MAP4K3: variants seen among roughly 807,000 people sequenced by gnomAD.
MAP4K3 encodes MAPK/ERK kinase kinase kinase 3.
Under a neutral mutation model 143.5 loss-of-function variants are expected in MAP4K3, and 94 were observed. That is an observed-to-expected ratio of 0.65 (90% confidence interval 0.55 to 0.78). The LOEUF (loss-of-function observed/expected upper bound fraction) is 0.78. MAP4K3 is among the 30% of genes least tolerant of loss of function. The probability of loss-of-function intolerance (pLI) is 0.00; values close to 1 mark genes in which losing one functional copy is unlikely to be tolerated. For missense variants in MAP4K3, 1,077 were observed against 1,068.1 expected (o/e 1.01, Z -0.12); for synonymous variants, 416 against 347.2 (o/e 1.20, Z -2.20).
intron 2 of MAP4K3, among the ~76,000 whole-genome samples, chr2:39,376,229 A>G (rs1666214616): frequency 2.0e-5 from 3 of 152,188 alleles, no homozygotes; most frequent in African/African-American, 7.2e-5. Flanking sequence ...CTTTAGGCAT[A>G]TACACAGAAA....
At chr2:39,393,221 G>C (rs541688767) in intron 1 of MAP4K3, among the ~76,000 whole-genome samples, 1 of 152,290 alleles carries the variant, frequency 6.6e-6, no homozygotes, top group South Asian at 2.1e-4. Flanking sequence ...TGTGAATGTA[G>C]AGAATGAAAC....
At chr2:39,431,913 G>C (rs1338293780) in intron 1 of MAP4K3, among the ~76,000 whole-genome samples, 3 of 152,170 alleles carry the variant, frequency 2.0e-5, no homozygotes, top group Admixed American at 6.5e-5. Flanking sequence ...CCTGGCTCCA[G>C]AACCCTGTTC....
At chr2:39,322,910 T>C (rs1402929256) in intron 12 of MAP4K3, among the ~76,000 whole-genome samples, 1 of 152,090 alleles carries the variant, frequency 6.6e-6, no homozygotes, top group Non-Finnish European at 1.5e-5. Context: ...CCTCAGGTGA[T>C]CCACCTGCCT....
intron 24 of MAP4K3, 73 bp from the exon 25 acceptor site, chr2:39,272,615 C>G (rs542802398): frequency 8.5e-7 from 1 of 1,180,214 alleles, no homozygotes; most frequent in Non-Finnish European, 1.3e-6. Context: ...ACAGTAATCA[C>G]GTAAGCTGTC....
intron 1 of MAP4K3, among the ~76,000 whole-genome samples, chr2:39,415,890 T>G (rs1240285582): frequency 3.0e-5 from 4 of 131,728 alleles, no homozygotes; most frequent in East Asian, 2.3e-4. Context: ...GAGGTGGAGG[T>G]TGCAGTGAGT....
intron 8 of MAP4K3, 43 bp downstream of exon 8, chr2:39,331,874 A>T: frequency 7.9e-7 from 1 of 1,273,636 alleles, no homozygotes; most frequent in Non-Finnish European, 1.1e-6. Context: ...TATATCCAAT[A>T]ATGATAGAAC....
At position 39,403,951 on chromosome 2, in the gene MAP4K3, A is replaced by C. The variant is rs1667022637; in HGVS notation, c.97-25828T>G. ...GCACCCATTCCAGGCCCTAGCTCCC[A>C]GATAATATTCTAGACACACCCTGGG... On this transcript the variant is annotated intron_variant, in intron 1 of 33. Transcript: ENST00000263881. Among the ~76,000 whole-genome samples, 5 of 151,640 alleles carry C rather than the reference A, an allele frequency of 3.3e-5. No homozygotes were observed. The South Asian group carries it at 6.3e-4, about 19-fold the overall frequency.
At chr2:39,429,024 C>A (rs1378091747) in intron 1 of MAP4K3, among the ~76,000 whole-genome samples, 1 of 128,980 alleles carries the variant, frequency 7.8e-6, no homozygotes, top group Non-Finnish European at 1.6e-5. Flanking sequence ...GAAATAGCGC[C>A]ACTGCACTCC....
intron 31 of MAP4K3, among the ~76,000 whole-genome samples, chr2:39,257,692 G>T (rs1042436051): frequency 1.3e-5 from 2 of 150,990 alleles, no homozygotes; most frequent in Admixed American, 6.6e-5. Flanking sequence ...CCAGCTACTC[G>T]GGAGACTGAG....
At chr2:39,274,562 A>T (rs1681170249) in intron 24 of MAP4K3, among the ~76,000 whole-genome samples, 1 of 152,166 alleles carries the variant, frequency 6.6e-6, no homozygotes, top group Admixed American at 6.5e-5. Flanking sequence ...CTAAAGCTTT[A>T]CTAGATTTTC....
intron 1 of MAP4K3, among the ~76,000 whole-genome samples, chr2:39,422,833 T>C (rs1451846736): frequency 1.3e-5 from 2 of 152,090 alleles, no homozygotes; most frequent in African/African-American, 2.4e-5. Flanking sequence ...TTCTAGAAGA[T>C]AACATACAAG....
intron 1 of MAP4K3, among the ~76,000 whole-genome samples, chr2:39,427,798 T>C (rs11886434): frequency 0.031 from 4,611 of 151,004 alleles, 240 homozygotes; most frequent in African/African-American, 0.1. Context: ...AAATACTACA[T>C]TGTAGGTCAA....
chr2:39,336,813 T>C (rs908586824), intron 6 of MAP4K3, 107 bp downstream of exon 6: 1 of 460,418 alleles, frequency 2.2e-6, no homozygotes, highest in African/African-American at 2.1e-5. Context: ...TTTATTATGG[T>C]AACATTTCAG....
intron 13 of MAP4K3, among the ~76,000 whole-genome samples, chr2:39,312,974 G>A (rs748109670): frequency 1.3e-5 from 2 of 152,172 alleles, no homozygotes; most frequent in Non-Finnish European, 2.9e-5. Flanking sequence ...ACTAAAAGCC[G>A]TGACTATAGC....
At chr2:39,341,023 T>C (rs983094737) in intron 4 of MAP4K3, among the ~76,000 whole-genome samples, 5 of 152,046 alleles carry the variant, frequency 3.3e-5, no homozygotes, top group Non-Finnish European at 7.4e-5. Context: ...ACATAATAAT[T>C]GATAATTGTC....
chr2:39,275,671 T>C (rs1449316811), intron 24 of MAP4K3, among the ~76,000 whole-genome samples: 1 of 152,154 alleles, frequency 6.6e-6, no homozygotes, highest in African/African-American at 2.4e-5. Context: ...TACAAGATCC[T>C]TTTCCTCCCT....
chr2:39,270,767 G>C (rs906981497), intron 26 of MAP4K3, among the ~76,000 whole-genome samples: 2 of 152,114 alleles, frequency 1.3e-5, no homozygotes, highest in African/African-American at 4.8e-5. Context: ...TTAAGAATAA[G>C]ACACTCAGTA....
intron 1 of MAP4K3, among the ~76,000 whole-genome samples, chr2:39,420,756 G>A (rs569039614): frequency 1.9e-4 from 29 of 152,112 alleles, no homozygotes; most frequent in Non-Finnish European, 2.8e-4. Context: ...GAAGTTAAGA[G>A]CTATTATTCC....
chr2:39,321,305 T>C (rs530684960), intron 12 of MAP4K3, among the ~76,000 whole-genome samples: 105 of 152,272 alleles, frequency 6.9e-4, no homozygotes, highest in African/African-American at 2.5e-3. Context: ...AACCCCGTGC[T>C]CTCTGAAACA....
Sources: gnomAD v4.1 joint callset for allele counts (sites outside exome capture counted in the v4.1 genomes callset) on GRCh38, gnomAD v4.1.1 for gene constraint, MANE v1.5 for transcripts, NCBI Gene and HGNC (gene_info 2026-07-23, HGNC 2026-07-21) for gene names.